Variants in UXS1 observed in about 807,000 individuals in gnomAD.
UXS1 encodes the protein UDP-glucuronic acid decarboxylase 1.
A neutral mutation model predicts 62.6 loss-of-function variants in UXS1; 33 were observed. That is an observed-to-expected ratio of 0.53 (90% CI 0.40 to 0.70). The LOEUF is 0.70. Among genes scored for constraint, UXS1 ranks in the 30% least tolerant of loss-of-function variants. The pLI is 0.00. For synonymous variants in UXS1, 213 were observed against 206.8 expected, an observed-to-expected ratio of 1.03 and a Z score of -0.26; for missense variants, 434 against 556.3, an observed-to-expected ratio of 0.78 and a Z score of 2.21.
chr2:106,179,235 T>C (rs1230616616), intron 1 of UXS1, among the ~76,000 whole-genome samples: 3 of 152,048 alleles, frequency 2.0e-5, no homozygotes, highest in Admixed American at 1.3e-4. Flanking sequence ...GAAGCCTCCA[T>C]GGTCTCCCCC....
intron 4 of UXS1, among the ~76,000 whole-genome samples, chr2:106,162,472 G>C (rs1385917952): frequency 2.0e-5 from 3 of 152,034 alleles, no homozygotes; most frequent in Non-Finnish European, 4.4e-5. Context: ...AATCACTGGT[G>C]GACAAGTTTT....
intron 6 of UXS1, among the ~76,000 whole-genome samples, chr2:106,142,984 A>G (rs1433770561): frequency 6.6e-6 from 1 of 151,996 alleles, no homozygotes; most frequent in Non-Finnish European, 1.5e-5. Context: ...AATGGCCTAG[A>G]GCAGCTTTGG....
rs750296485 is a variant in UXS1, at chr2:106,096,981, G to C, written c.1043-160C>G. 3.3e-5 allele frequency: 25 copies of C among 767,178 alleles called. No individual in the cohort carries two copies. In the African/African-American group the frequency reaches 4.3e-4, roughly 13 times the overall value. 47.5% of individuals were successfully genotyped at this position (767,178 alleles called of 1,614,324 possible). ...GAAGCCCCGGAGCTCCCGAGGGACT[G>C]TTCTGCGTGGAAGTCCAGGGAGTGC... is the stretch of plus-strand genomic sequence containing the variant. On this transcript the variant is annotated intron_variant, in intron 13 of 14. Transcript: ENST00000283148.
intron 9 of UXS1, among the ~76,000 whole-genome samples, chr2:106,119,826 A>G (rs1215259921): frequency 1.3e-5 from 2 of 151,988 alleles, no homozygotes; most frequent in Non-Finnish European, 2.9e-5. Flanking sequence ...CTTCATTTCA[A>G]CGTTTTATAT....
chr2:106,128,863 T>C (rs1680194451), intron 7 of UXS1, among the ~76,000 whole-genome samples: 1 of 152,234 alleles, frequency 6.6e-6, no homozygotes, highest in African/African-American at 2.4e-5. Flanking sequence ...AATTAAAATT[T>C]AGTGCTGTAT....
At chr2:106,163,565 T>G in intron 4 of UXS1, 102 bp downstream of exon 4, 1 of 778,596 alleles carries the variant, frequency 1.3e-6, no homozygotes, top group Non-Finnish European at 2.0e-6. Context: ...TATACAGACA[T>G]TTATTTAGGT....
chr2:106,164,868 T>C, intron 2 of UXS1, 69 bp from the exon 3 acceptor site: 1 of 1,221,348 alleles, frequency 8.2e-7, no homozygotes, highest in Non-Finnish European at 1.1e-6. Flanking sequence ...TACCCTAACA[T>C]AACCCAACGG....
chr2:106,142,923 A>ATATG (rs1553429541), intron 6 of UXS1, among the ~76,000 whole-genome samples: 1 of 148,960 alleles, frequency 6.7e-6, no homozygotes, highest in Non-Finnish European at 1.5e-5. Context: ...GTTTGCATGT[A>ATATG]TGTGTGTGTG....
chr2:106,187,360 T>C (rs1376814272), intron 1 of UXS1, among the ~76,000 whole-genome samples: 1 of 152,156 alleles, frequency 6.6e-6, no homozygotes, highest in Non-Finnish European at 1.5e-5. Flanking sequence ...ATTTTAGCTG[T>C]CTGCTGTCCC....
chr2:106,110,499 A>G (rs559438932), intron 10 of UXS1, among the ~76,000 whole-genome samples: 1 of 152,154 alleles, frequency 6.6e-6, no homozygotes, highest in Non-Finnish European at 1.5e-5. Context: ...AGTTGCTAAA[A>G]AGGCACCAGG....
chr2:106,145,329 G>A lies in UXS1; in HGVS notation c.333C>T (p.Asp111=). ...CCTCGTGGCCGTCCATCATGAGTTT[G>A]TCAGTTAGATGGGAGCCCACGAACC... is the stretch of plus-strand genomic sequence containing the variant. ...GAGFVGSHLT[D]KLMMDGHEVT... The change falls in exon 6 of 15, where the codon GAC becomes GAT. Residue 111 remains aspartate, a synonymous_variant. Transcript: ENST00000283148. 6.2e-7 allele frequency: 1 copy of A among 1,613,960 alleles called. No individual in the cohort carries two copies. Among genetic ancestry groups the A allele is most frequent in the East Asian group, 2.2e-5 (1 of 44,878 alleles).
chr2:106,138,256 T>G lies in UXS1; in HGVS notation c.472+6934A>C, dbSNP rs534524959. On this transcript the variant is annotated intron_variant, in intron 6 of 14. Coordinates refer to ENST00000283148, the MANE Select transcript of UXS1 (RefSeq NM_001253875.2). ...CAGACGTCAGTCTGTATGGGAAACCTTCTCACCATCCTTGGTCAGAAATAA... is the reference window on the plus strand; with the variant it reads ...CAGACGTCAGTCTGTATGGGAAACCGTCTCACCATCCTTGGTCAGAAATAA... The G allele has an allele frequency of 7.1e-6, 7 of 985,514 alleles. No individual in the cohort carries two copies. The South Asian group carries it at 3.3e-4, about 46-fold the overall frequency. 61.0% of individuals were successfully genotyped at this position (985,514 alleles called of 1,614,324 possible).
intron 1 of UXS1, among the ~76,000 whole-genome samples, chr2:106,189,617 T>C (rs1684792870): frequency 6.6e-6 from 1 of 151,972 alleles, no homozygotes; most frequent in East Asian, 1.9e-4. Context: ...GGGAGGGCAA[T>C]CCTACCAAGA....
intron 1 of UXS1, among the ~76,000 whole-genome samples, chr2:106,174,075 T>G (rs1573566187): frequency 5.1e-5 from 2 of 39,232 alleles, no homozygotes; most frequent in Non-Finnish European, 4.7e-5. Context: ...GAGATTCTGG[T>G]GGAGGAAGAG....
chr2:106,173,002 C>T (rs527684693), intron 1 of UXS1, among the ~76,000 whole-genome samples: 2 of 152,324 alleles, frequency 1.3e-5, no homozygotes, highest in African/African-American at 2.4e-5. Context: ...TCTGTGAGAG[C>T]ACCCACCCCC....
chr2:106,191,774 A>T (rs1684951326), intron 1 of UXS1, among the ~76,000 whole-genome samples: 1 of 152,208 alleles, frequency 6.6e-6, no homozygotes, highest in Non-Finnish European at 1.5e-5. Context: ...ACTCCTACAT[A>T]AGCCGTCCAT....
chr2:106,103,731 A>G (rs934283473), intron 11 of UXS1, among the ~76,000 whole-genome samples: 29 of 152,170 alleles, frequency 1.9e-4, no homozygotes, highest in Non-Finnish European at 3.2e-4. Context: ...GGTGGGGAGG[A>G]AAAAACTACT....
chr2:106,140,337 T>G (rs1680999840), intron 6 of UXS1, among the ~76,000 whole-genome samples: 1 of 152,184 alleles, frequency 6.6e-6, no homozygotes, highest in Non-Finnish European at 1.5e-5. Context: ...CAGAGGGCGA[T>G]CTCTAAGAGC....
At chr2:106,131,270 C>T (rs1488783018) in intron 6 of UXS1, among the ~76,000 whole-genome samples, 1 of 146,534 alleles carries the variant, frequency 6.8e-6, no homozygotes, top group African/African-American at 2.5e-5. Context: ...CATGGAATCT[C>T]GCTGATTGCT....
Sources: allele counts gnomAD v4.1 joint callset (sites outside exome capture counted in the v4.1 genomes callset), GRCh38; gene constraint gnomAD v4.1.1; transcripts MANE v1.5; gene names NCBI Gene and HGNC (gene_info 2026-07-23, HGNC 2026-07-21).